Variants in SPMIP7 observed in about 807,000 individuals in gnomAD.
SPMIP7 encodes the protein sperm microtubule inner protein 7.
the SPMIP7 span, among the ~76,000 whole-genome samples, chr7:50,114,577 A>C: frequency 2.0e-5 from 3 of 152,120 alleles, no homozygotes; most frequent in Non-Finnish European, 4.4e-5. Flanking sequence ...TTTTAAAATT[A>C]AAAAAATTCT....
chr7:50,098,488 A>G, the SPMIP7 span, among the ~76,000 whole-genome samples: 3 of 152,086 alleles, frequency 2.0e-5, no homozygotes, highest in Non-Finnish European at 2.9e-5. Flanking sequence ...ATGTCTTTCT[A>G]TCTTTTTTTA....
the SPMIP7 span, among the ~76,000 whole-genome samples, chr7:50,119,717 A>G: frequency 4.6e-5 from 7 of 152,226 alleles, no homozygotes; most frequent in Admixed American, 3.9e-4. Flanking sequence ...CAGAATGGCT[A>G]CTAAATATAA....
the SPMIP7 span, among the ~76,000 whole-genome samples, chr7:50,121,834 TC>T: frequency 0.48 from 72,047 of 150,266 alleles, 17,634 homozygotes; most frequent in East Asian, 0.72. Flanking sequence ...TTGTTTTTTT[TC>T]TTGTAGAGAT....
At chr7:50,142,521 T>A in the SPMIP7 span, 2 of 152,254 alleles carry the variant, frequency 1.3e-5, no homozygotes, top group African/African-American at 4.8e-5. Flanking sequence ...CTAGAGGGCC[T>A]CCAAGGTTGC....
At chr7:50,132,683 A>C in the SPMIP7 span, among the ~76,000 whole-genome samples, 1 of 152,192 alleles carries the variant, frequency 6.6e-6, no homozygotes, top group Non-Finnish European at 1.5e-5. Context: ...CTTTGCCATG[A>C]TTTAAAATAT....
chr7:50,128,628 G>A, the SPMIP7 span, among the ~76,000 whole-genome samples: 1 of 151,928 alleles, frequency 6.6e-6, no homozygotes, highest in Non-Finnish European at 1.5e-5. Context: ...TTAAAACTAT[G>A]AAAGCCGATA....
At chr7:50,125,382 A>G in the SPMIP7 span, among the ~76,000 whole-genome samples, 4 of 147,598 alleles carry the variant, frequency 2.7e-5, no homozygotes, top group East Asian at 5.8e-4. Flanking sequence ...ATACACATAT[A>G]CACACATATA....
the SPMIP7 span, among the ~76,000 whole-genome samples, chr7:50,123,067 G>A: frequency 7.1e-6 from 1 of 140,852 alleles, no homozygotes; most frequent in Admixed American, 7.2e-5. Flanking sequence ...CCATTACTGG[G>A]TATATACCTA....
the SPMIP7 span, among the ~76,000 whole-genome samples, chr7:50,139,798 C>T: frequency 6.6e-6 from 1 of 152,166 alleles, no homozygotes; most frequent in Non-Finnish European, 1.5e-5. Flanking sequence ...AGATGCCCTT[C>T]AGCAGGTAAA....
the SPMIP7 span, chr7:50,141,727 C>CTTT: frequency 5.5e-3 from 424 of 76,920 alleles, 32 homozygotes; most frequent in African/African-American, 0.015. Context: ...AGAGGAATCA[C>CTTT]TTTTTTTTTT....
chr7:50,155,894 C>G, the SPMIP7 span, among the ~76,000 whole-genome samples: 1 of 2,464 alleles, frequency 4.1e-4, no homozygotes, highest in African/African-American at 9.3e-4. Flanking sequence ...ACCCATCGCC[C>G]TCTGAGGTAG....
chr7:50,156,097 G>A, the SPMIP7 span, among the ~76,000 whole-genome samples: 1 of 152,168 alleles, frequency 6.6e-6, no homozygotes, highest in Non-Finnish European at 1.5e-5. Flanking sequence ...GTGCGGAGGG[G>A]CAGGAGGGAA....
the SPMIP7 span, among the ~76,000 whole-genome samples, chr7:50,108,757 T>G: frequency 3.9e-5 from 6 of 152,152 alleles, no homozygotes; most frequent in Non-Finnish European, 8.8e-5. Flanking sequence ...GAAATAAATT[T>G]TTATCTATTT....
the SPMIP7 span, among the ~76,000 whole-genome samples, chr7:50,149,997 G>A: frequency 1.2e-4 from 18 of 152,188 alleles, 1 homozygote; most frequent in South Asian, 2.9e-3. Context: ...ATGGGGAACC[G>A]GGGACTGAAT....
At chr7:50,104,306 G>A in the SPMIP7 span, 1 of 1,460,742 alleles carries the variant, frequency 6.8e-7, no homozygotes, top group South Asian at 1.4e-5. Context: ...CTTTTTTTGT[G>A]TTTTCAGGTT....
the SPMIP7 span, among the ~76,000 whole-genome samples, chr7:50,125,802 T>A: frequency 6.6e-6 from 1 of 152,046 alleles, no homozygotes; most frequent in Non-Finnish European, 1.5e-5. Flanking sequence ...AAGAGTAGAA[T>A]GGTGGTTTCC....
At chr7:50,130,037 A>G in the SPMIP7 span, among the ~76,000 whole-genome samples, 1 of 152,158 alleles carries the variant, frequency 6.6e-6, no homozygotes, top group Non-Finnish European at 1.5e-5. Context: ...GTGGGGGGAT[A>G]AGAGTACAGC....
chr7:50,111,896 C>T, the SPMIP7 span, among the ~76,000 whole-genome samples: 4 of 151,994 alleles, frequency 2.6e-5, no homozygotes, highest in Non-Finnish European at 4.4e-5. Flanking sequence ...CGTAATAAAA[C>T]AAAATACAAG....
chr7:50,130,049 T>C, the SPMIP7 span, among the ~76,000 whole-genome samples: 1 of 152,084 alleles, frequency 6.6e-6, no homozygotes, highest in Non-Finnish European at 1.5e-5. Context: ...GAGTACAGCA[T>C]CCTAGAAAGC....
Sources: allele counts gnomAD v4.1 joint callset (sites outside exome capture counted in the v4.1 genomes callset), GRCh38; gene constraint gnomAD v4.1.1; transcripts MANE v1.5; gene names NCBI Gene and HGNC (gene_info 2026-07-23, HGNC 2026-07-21).